DNAH14: variants seen among roughly 807,000 people sequenced by gnomAD.
DNAH14 encodes axonemal beta dynein heavy chain 14.
A neutral mutation model predicts 520.9 loss-of-function variants in DNAH14; 478 were observed. The observed-to-expected ratio is 0.92, with a 90% CI of 0.85 to 0.99. The LOEUF (loss-of-function observed/expected upper bound fraction) is 0.99, where lower values mean the gene tolerates loss of function less well. Among genes scored for constraint, DNAH14 ranks in the 50% least tolerant of loss-of-function variants. The probability of loss-of-function intolerance (pLI) is 0.00; values close to 1 mark genes in which losing one functional copy is unlikely to be tolerated. For missense variants in DNAH14, 4,831 were observed against 5,234.5 expected (o/e 0.92, Z 2.38); for synonymous variants, 1,581 against 1,757.2 (o/e 0.90, Z 2.51).
At chr1:225,011,977 AT>A (rs750503592) in intron 10 of DNAH14, among the ~76,000 whole-genome samples, 9 of 151,814 alleles carry the variant, frequency 5.9e-5, no homozygotes, top group Admixed American at 2.0e-4. Context: ...TTATGTGTGA[AT>A]TTCATCTTGT....
Position 225,117,887 on chromosome 1 carries a change from C to G in DNAH14, c.3979C>G (p.Leu1327Val). Residue 1327 changes from leucine to valine, a missense_variant, in exon 25 of 86, where the codon CTT becomes GTT. By Grantham distance (32) the Leu-to-Val change is conservative (BLOSUM62 1). Coordinates refer to ENST00000682510, the MANE Select transcript of DNAH14 (RefSeq NM_001367479.1). ...ATTTGTTTCTGGTTCACAGCCTCAT[C>G]TTGTGAAATGCTTTGAAAATATAAA... ...SRNPESVQPHLVKCFENIKQL... is the reference protein window; with the variant it reads ...SRNPESVQPHVVKCFENIKQL... 6.5e-7 allele frequency: 1 copy of G among 1,544,210 alleles called. No individual in the cohort carries two copies. The highest frequency in any genetic ancestry group is 8.8e-7 in the Non-Finnish European group (1 of 1,140,688).
intron 81 of DNAH14, among the ~76,000 whole-genome samples, chr1:225,383,724 G>T (rs962580521): frequency 2.0e-4 from 30 of 152,214 alleles, no homozygotes; most frequent in African/African-American, 7.0e-4. Flanking sequence ...GGGGCTCTCA[G>T]GTGGAGCTAC....
rs1483989360 is a variant in DNAH14 at position 225,333,435 on chromosome 1, T to C, written c.10009T>C (p.Phe3337Leu). Residue 3337 changes from phenylalanine (F) to leucine (L), a missense_variant, in exon 66 of 86, where the codon TTC becomes CTC. Phe to Leu is a conservative substitution (Grantham distance 22, BLOSUM62 0). Coordinates refer to ENST00000682510, the MANE Select transcript of DNAH14 (RefSeq NM_001367479.1). ...RQLIVNKWET[F>L]CIENGISLSS... ...GTTGATTGTGAATAAATGGGAGACA[T>C]TCTGCATTGAAAATGGCATTTCTTT... is the stretch of plus-strand genomic sequence containing the variant. 1.3e-6 allele frequency: 2 copies of C among 1,551,490 alleles called. No individual in the cohort carries two copies. Among genetic ancestry groups the C allele is most frequent in the Admixed American group, 3.9e-5 (2 of 51,004 alleles).
intron 17 of DNAH14, among the ~76,000 whole-genome samples, chr1:225,078,832 C>G (rs2072680500): frequency 1.7e-5 from 1 of 60,006 alleles, no homozygotes; most frequent in Admixed American, 1.8e-4. Flanking sequence ...CTCCCTCTCT[C>G]TCTCTCTCTC....
chr1:225,220,323 G>T (rs2089918088), intron 41 of DNAH14, among the ~76,000 whole-genome samples: 1 of 152,310 alleles, frequency 6.6e-6, no homozygotes, highest in Non-Finnish European at 1.5e-5. Flanking sequence ...TCAGGCAAGA[G>T]AAAGAAATAA....
chr1:225,267,326 G>T (rs1406530936), intron 49 of DNAH14, among the ~76,000 whole-genome samples: 2 of 128,180 alleles, frequency 1.6e-5, no homozygotes, highest in East Asian at 4.5e-4. Flanking sequence ...ATGGAATCTC[G>T]CTCTGTCACC....
intron 72 of DNAH14, among the ~76,000 whole-genome samples, chr1:225,353,280 TGTG>T (rs1164523719): frequency 6.6e-6 from 1 of 152,112 alleles, no homozygotes; most frequent in African/African-American, 2.4e-5. Context: ...AGGACTCTAT[TGTG>T]GTGGTAAGAG....
intron 78 of DNAH14, among the ~76,000 whole-genome samples, chr1:225,376,007 G>A (rs1045201890): frequency 1.6e-4 from 24 of 151,780 alleles, no homozygotes; most frequent in Non-Finnish European, 2.5e-4. Context: ...AGAATCACCC[G>A]AACCCAGGAG....
chr1:225,290,776 T>C (rs956041236), intron 55 of DNAH14, among the ~76,000 whole-genome samples: 1 of 149,816 alleles, frequency 6.7e-6, no homozygotes, highest in South Asian at 2.1e-4. Flanking sequence ...TAATTGTACA[T>C]GTGTTTATGG....
chr1:225,272,214 T>C, intron 51 of DNAH14, 141 bp downstream of exon 51: 1 of 758,522 alleles, frequency 1.3e-6, no homozygotes. Context: ...ATCTCATGAG[T>C]TAGTTGAAGA....
chr1:224,944,945 T>G (rs2059694664), intron 1 of DNAH14, among the ~76,000 whole-genome samples: 1 of 152,214 alleles, frequency 6.6e-6, no homozygotes, highest in African/African-American at 2.4e-5. Flanking sequence ...TCATTTCAAC[T>G]TTGGTGAATC....
At chr1:225,193,597 T>C (rs2085730360) in intron 38 of DNAH14, among the ~76,000 whole-genome samples, 1 of 152,120 alleles carries the variant, frequency 6.6e-6, no homozygotes. Flanking sequence ...TACATCATAC[T>C]GAGTGGGGAA....
chr1:225,358,536 G>C lies in DNAH14; in HGVS notation c.11660G>C (p.Arg3887Thr), dbSNP rs749004885. The stretch of plus-strand genomic sequence containing the variant: ...CCAGAAAGTTTAAACAATTCAGTGA[G>C]AAAGTTTATAACTGAAAAAATGGGA... Reference protein sequence around the residue: ...LRPESLNNSVRKFITEKMGNK... With the variant: ...LRPESLNNSVTKFITEKMGNK... The change falls in exon 74 of 86, where the codon AGA (arginine) becomes ACA (threonine). Residue 3887 changes from arginine to threonine, a missense_variant. Arg to Thr is a moderately conservative substitution (Grantham distance 71). Transcript: ENST00000682510. 1 of 1,542,568 alleles carries C rather than the reference G, an allele frequency of 6.5e-7. No homozygotes were observed. Among genetic ancestry groups the C allele is most frequent in the Middle Eastern group, 1.7e-4 (1 of 5,896 alleles).
At chr1:225,024,440 G>A (rs1381599265) in intron 11 of DNAH14, 1 of 174,110 alleles carries the variant, frequency 5.7e-6, no homozygotes, top group Non-Finnish European at 1.1e-5. Context: ...TGTAACTGGT[G>A]AAACAGGAAT....
At chr1:225,035,180 G>C (rs1321526188) in intron 11 of DNAH14, among the ~76,000 whole-genome samples, 2 of 151,834 alleles carry the variant, frequency 1.3e-5, no homozygotes, top group African/African-American at 4.8e-5. Context: ...CTTTTTTCTA[G>C]GGTTTCCAAT....
At chr1:225,012,515 A>G (rs1275124293) in intron 10 of DNAH14, among the ~76,000 whole-genome samples, 1 of 151,948 alleles carries the variant, frequency 6.6e-6, no homozygotes, top group East Asian at 1.9e-4. Flanking sequence ...AGATTGGGGA[A>G]GTTCTCTCTT....
chr1:224,964,359 T>G (rs896150851), intron 4 of DNAH14, 120 bp from the exon 5 acceptor site: 1 of 1,140,958 alleles, frequency 8.8e-7, no homozygotes, highest in South Asian at 3.2e-5. Flanking sequence ...ATAATCGTTA[T>G]GTATACTTTG....
intron 1 of DNAH14, among the ~76,000 whole-genome samples, chr1:224,946,889 C>A (rs2059874221): frequency 7.8e-6 from 1 of 127,542 alleles, no homozygotes; most frequent in Non-Finnish European, 1.7e-5. Flanking sequence ...TGATATGTTA[C>A]TTGTTGTATA....
chr1:225,060,901 G>T (rs1173003206), intron 17 of DNAH14, among the ~76,000 whole-genome samples: 1 of 55,908 alleles, frequency 1.8e-5, no homozygotes, highest in Admixed American at 1.7e-4. Flanking sequence ...GTACCTGGCC[G>T]TGTGAGGTGT....
Sources: allele counts gnomAD v4.1 joint callset (sites outside exome capture counted in the v4.1 genomes callset), GRCh38; gene constraint gnomAD v4.1.1; transcripts MANE v1.5; gene names NCBI Gene and HGNC (gene_info 2026-07-23, HGNC 2026-07-21).